The following LUZP2 variants were observed in gnomAD, a reference collection of about 807,000 sequenced individuals.
LUZP2 encodes the protein leucine zipper protein 2.
LUZP2 carries 52 observed loss-of-function variants against 51.6 expected under a neutral mutation model. That is an observed-to-expected ratio of 1.01 (90% CI 0.81 to 1.27). The LOEUF (loss-of-function observed/expected upper bound fraction) is 1.27. LUZP2 is among the 50% of genes most tolerant of loss of function. The pLI, the probability that LUZP2 is intolerant of heterozygous loss-of-function variation, is 0.00. For synonymous variants in LUZP2, 154 were observed against 137.3 expected, an observed-to-expected ratio of 1.12 and a Z score of -0.85; for missense variants, 436 against 395.4, an observed-to-expected ratio of 1.10 and a Z score of -0.87.
At chr11:25,037,029 ATCTG>A (rs1857887629) in intron 9 of LUZP2, among the ~76,000 whole-genome samples, 2 of 151,992 alleles carry the variant, frequency 1.3e-5, no homozygotes, top group Non-Finnish European at 2.9e-5. Flanking sequence ...TGCCTCGATG[ATCTG>A]TCTAATTCTG....
At chr11:24,940,030 T>G (rs1854698056) in intron 7 of LUZP2, among the ~76,000 whole-genome samples, 1 of 152,078 alleles carries the variant, frequency 6.6e-6, no homozygotes, top group African/African-American at 2.4e-5. Context: ...TATTTTTTTT[T>G]TTCTTTTACT....
At chr11:24,600,427 C>T (rs1254311300) in intron 1 of LUZP2, among the ~76,000 whole-genome samples, 1 of 151,992 alleles carries the variant, frequency 6.6e-6, no homozygotes, top group African/African-American at 2.4e-5. Flanking sequence ...TTTAAGCCAC[C>T]GAATTTGTGG....
chr11:24,704,423 G>T (rs1437652644), intron 1 of LUZP2, among the ~76,000 whole-genome samples: 6 of 149,258 alleles, frequency 4.0e-5, no homozygotes, highest in Non-Finnish European at 7.4e-5. Flanking sequence ...TCTGGACAAG[G>T]TTCTTAAATA....
At chr11:24,610,104 T>A (rs1421827346) in intron 1 of LUZP2, among the ~76,000 whole-genome samples, 1 of 152,182 alleles carries the variant, frequency 6.6e-6, no homozygotes, top group Non-Finnish European at 1.5e-5. Flanking sequence ...CCAACGTAAC[T>A]GTGTAAATAC....
At chr11:25,023,261 G>C (rs978629126) in intron 9 of LUZP2, among the ~76,000 whole-genome samples, 7 of 152,126 alleles carry the variant, frequency 4.6e-5, no homozygotes, top group African/African-American at 1.7e-4. Context: ...GAATTCGGCT[G>C]TGAATCCATC....
At chr11:24,807,510 A>G (rs1849891835) in intron 5 of LUZP2, among the ~76,000 whole-genome samples, 1 of 151,662 alleles carries the variant, frequency 6.6e-6, no homozygotes, top group Non-Finnish European at 1.5e-5. Context: ...TAACAAAGTT[A>G]TACATAGCAC....
intron 7 of LUZP2, among the ~76,000 whole-genome samples, chr11:24,960,431 T>C (rs1218696338): frequency 6.6e-6 from 1 of 152,152 alleles, no homozygotes; most frequent in Non-Finnish European, 1.5e-5. Flanking sequence ...TTTCAGCTCC[T>C]GTTATTGGTC....
intron 1 of LUZP2, among the ~76,000 whole-genome samples, chr11:24,692,964 A>G (rs1039437749): frequency 3.3e-5 from 5 of 151,678 alleles, no homozygotes; most frequent in Non-Finnish European, 7.4e-5. Flanking sequence ...TTGACTGACA[A>G]GTTTTTTTTT....
intron 5 of LUZP2, chr11:24,893,339 A>G (rs936976055): frequency 3.2e-5 from 1 of 31,020 alleles, no homozygotes; most frequent in Non-Finnish European, 6.6e-5. Context: ...ATAAACAGCA[A>G]AAAAAAAATC....
At chr11:25,014,168 G>A (rs1346047281) in intron 9 of LUZP2, among the ~76,000 whole-genome samples, 1 of 152,166 alleles carries the variant, frequency 6.6e-6, no homozygotes, top group Non-Finnish European at 1.5e-5. Flanking sequence ...ATTTGGGTTG[G>A]TTCCAAGTCT....
At chr11:24,642,179 C>T (rs1476650844) in intron 1 of LUZP2, among the ~76,000 whole-genome samples, 11 of 151,760 alleles carry the variant, frequency 7.2e-5, no homozygotes, top group East Asian at 1.9e-4. Flanking sequence ...TGAGCCACCT[C>T]GCCCGGCCAG....
chr11:24,933,474 T>C (rs1383012686), intron 7 of LUZP2, among the ~76,000 whole-genome samples: 1 of 152,246 alleles, frequency 6.6e-6, no homozygotes, highest in Non-Finnish European at 1.5e-5. Context: ...ACCAGGTTTA[T>C]TCATTTGTTC....
At chr11:24,909,146 A>T (rs911839209) in intron 6 of LUZP2, among the ~76,000 whole-genome samples, 2 of 151,476 alleles carry the variant, frequency 1.3e-5, no homozygotes, top group African/African-American at 2.4e-5. Context: ...AACATTTTTT[A>T]AAAATATATA....
intron 9 of LUZP2, among the ~76,000 whole-genome samples, chr11:25,007,137 A>T (rs1856853697): frequency 6.6e-6 from 1 of 152,264 alleles, no homozygotes; most frequent in Non-Finnish European, 1.5e-5. Flanking sequence ...CTTTAGCTAG[A>T]CACAGAGCAC....
chr11:24,549,623 G>A (rs1373192067), intron 1 of LUZP2, among the ~76,000 whole-genome samples: 1 of 151,996 alleles, frequency 6.6e-6, no homozygotes, highest in African/African-American at 2.4e-5. Context: ...CCACAAACAT[G>A]TAAGTAATGT....
intron 9 of LUZP2, among the ~76,000 whole-genome samples, chr11:25,032,187 G>A (rs1590858164): frequency 6.6e-6 from 1 of 152,106 alleles, no homozygotes; most frequent in South Asian, 2.1e-4. Flanking sequence ...TAGTTTCTGG[G>A]CCACCTTGAT....
chr11:24,908,336 A>T (rs992804472), intron 6 of LUZP2, among the ~76,000 whole-genome samples: 1 of 152,232 alleles, frequency 6.6e-6, no homozygotes, highest in African/African-American at 2.4e-5. Context: ...TGAAATTATA[A>T]GAAGCAAAAA....
intron 5 of LUZP2, among the ~76,000 whole-genome samples, chr11:24,797,847 A>G (rs961946831): frequency 6.6e-6 from 1 of 152,170 alleles, no homozygotes; most frequent in Non-Finnish European, 1.5e-5. Flanking sequence ...GGTTATGGAC[A>G]AAAGTTGAGT....
At chr11:24,926,657 G>GTA (rs1049696915) in intron 7 of LUZP2, among the ~76,000 whole-genome samples, 44 of 111,170 alleles carry the variant, frequency 4.0e-4, no homozygotes, top group Middle Eastern at 9.7e-3. Flanking sequence ...ATATGTGTGT[G>GTA]TATATATATA....
Sources: gnomAD v4.1 joint callset for allele counts (sites outside exome capture counted in the v4.1 genomes callset) on GRCh38, gnomAD v4.1.1 for gene constraint, MANE v1.5 for transcripts, NCBI Gene and HGNC (gene_info 2026-07-23, HGNC 2026-07-21) for gene names.